MARCHF1: variants seen among roughly 807,000 people sequenced by gnomAD.
MARCHF1 encodes the protein membrane associated ring-CH-type finger 1.
In MARCHF1, 40 loss-of-function variants were observed where a neutral mutation model predicts 54.2. The ratio of observed to expected loss-of-function variants is 0.74; its 90% confidence interval spans 0.57 to 0.96. MARCHF1 has a LOEUF of 0.96. Ranked by LOEUF, MARCHF1 falls within the 40% of genes least tolerant of loss-of-function variation. The pLI is 0.00. For missense variants in MARCHF1, 586 were observed against 656.5 expected (o/e 0.89, Z 1.17); for synonymous variants, 236 against 236.3 (o/e 1.00, Z 0.01).
At chr4:163,841,796 G>A (rs1338939177) in intron 4 of MARCHF1, among the ~76,000 whole-genome samples, 2 of 152,052 alleles carry the variant, frequency 1.3e-5, no homozygotes, top group Non-Finnish European at 2.9e-5. Flanking sequence ...AGTGTGAAAA[G>A]CTATTTCATT....
intron 9 of MARCHF1, among the ~76,000 whole-genome samples, chr4:163,535,753 C>CTTTTTTTTTTTTTTTTTTTTTTTTTTT (rs34118311): frequency 6.9e-6 from 1 of 144,162 alleles, no homozygotes. Context: ...TATAGAAGGG[C>CTTTTTTTTTTTTTTTTTTTTTTTTTTT]TTTTTTTTTT....
At chr4:163,728,228 A>G (rs1745721124) in intron 4 of MARCHF1, among the ~76,000 whole-genome samples, 1 of 151,878 alleles carries the variant, frequency 6.6e-6, no homozygotes. Context: ...TTTTTTTATT[A>G]CTGTCTTGAT....
intron 1 of MARCHF1, among the ~76,000 whole-genome samples, chr4:164,150,628 T>C (rs934869310): frequency 6.6e-6 from 1 of 152,192 alleles, no homozygotes; most frequent in East Asian, 1.9e-4. Flanking sequence ...AGGAATAAAC[T>C]GACCAGGAGT....
intron 3 of MARCHF1, among the ~76,000 whole-genome samples, chr4:163,926,068 A>G (rs1284272753): frequency 7.1e-6 from 1 of 141,794 alleles, no homozygotes; most frequent in Non-Finnish European, 1.5e-5. Context: ...ATGAAGGGAA[A>G]AATCTTAAAT....
At chr4:164,325,333 TTATATATA>T (rs58385154) in intron 1 of MARCHF1, among the ~76,000 whole-genome samples, 2 of 138,466 alleles carry the variant, frequency 1.4e-5, no homozygotes, top group African/African-American at 2.7e-5. Context: ...TAGACAGAAA[TTATATATA>T]TATATATATA....
chr4:164,081,207 CA>C (rs60753810), intron 2 of MARCHF1, among the ~76,000 whole-genome samples: 897 of 18,168 alleles, frequency 0.049, 1 homozygote, highest in Middle Eastern at 0.14. Flanking sequence ...GACGCTGTCT[CA>C]AAAAAAAAAA....
intron 4 of MARCHF1, among the ~76,000 whole-genome samples, chr4:163,746,357 T>C (rs1264474411): frequency 6.6e-6 from 1 of 152,238 alleles, no homozygotes; most frequent in Admixed American, 6.5e-5. Context: ...TTTTTGGCGC[T>C]GAATAATATT....
intron 3 of MARCHF1, among the ~76,000 whole-genome samples, chr4:163,945,089 C>A (rs1274765035): frequency 2.0e-5 from 3 of 152,126 alleles, no homozygotes; most frequent in Non-Finnish European, 4.4e-5. Flanking sequence ...ACATCTCAGG[C>A]ATATGAGATG....
chr4:163,729,902 T>A (rs1745778090), intron 4 of MARCHF1, among the ~76,000 whole-genome samples: 1 of 152,122 alleles, frequency 6.6e-6, no homozygotes, highest in Admixed American at 6.5e-5. Context: ...CAGTTATTAT[T>A]CGCTGTGAGT....
chr4:163,788,283 G>A (rs1747676600), intron 4 of MARCHF1, among the ~76,000 whole-genome samples: 1 of 151,880 alleles, frequency 6.6e-6, no homozygotes, highest in Non-Finnish European at 1.5e-5. Flanking sequence ...GTTTATAGAA[G>A]TTACAAAGAT....
chr4:163,916,406 T>C (rs1241787271), intron 3 of MARCHF1, among the ~76,000 whole-genome samples: 4 of 96,152 alleles, frequency 4.2e-5, no homozygotes, highest in African/African-American at 6.4e-5. Flanking sequence ...CTAAGAATCA[T>C]GGCAGGTCAG....
intron 2 of MARCHF1, among the ~76,000 whole-genome samples, chr4:164,048,996 T>C (rs376894000): frequency 6.6e-6 from 1 of 152,194 alleles, no homozygotes; most frequent in Non-Finnish European, 1.5e-5. Flanking sequence ...TTAACACTGA[T>C]AGATGGCAAG....
chr4:164,126,554 T>C (rs1434884794), intron 1 of MARCHF1, among the ~76,000 whole-genome samples: 1 of 152,120 alleles, frequency 6.6e-6, no homozygotes, highest in African/African-American at 2.4e-5. Context: ...GGCTTTGGAA[T>C]TGGCTAATGG....
chr4:163,761,986 A>C (rs912679594), intron 4 of MARCHF1, among the ~76,000 whole-genome samples: 1 of 152,180 alleles, frequency 6.6e-6, no homozygotes, highest in Non-Finnish European at 1.5e-5. Flanking sequence ...TTTTCAGGCC[A>C]AATAATAATT....
chr4:164,208,400 C>T (rs537739880), intron 1 of MARCHF1, among the ~76,000 whole-genome samples: 1 of 152,168 alleles, frequency 6.6e-6, no homozygotes, highest in African/African-American at 2.4e-5. Context: ...TTATTTAATG[C>T]ACAGCCGTAA....
intron 1 of MARCHF1, among the ~76,000 whole-genome samples, chr4:164,299,803 T>C (rs1009280632): frequency 6.6e-6 from 1 of 152,194 alleles, no homozygotes; most frequent in Non-Finnish European, 1.5e-5. Context: ...GTGGCACTAA[T>C]ATAAAAACAG....
rs141191779 is a variant in MARCHF1, at chr4:163,725,830, G to A, written c.112-24967C>T. Among the ~76,000 whole-genome samples the A allele has an allele frequency of 4.4e-3, 669 of 152,222 alleles. 2 individuals are homozygous for A. Among genetic ancestry groups the A allele is most frequent in the Non-Finnish European group, 5.2e-3 (355 of 68,008 alleles). On this transcript the variant is annotated intron_variant, in intron 4 of 9. Transcript: ENST00000514618. ...CTGAAAGAATTAAATGAGATATTAT[G>A]TAAAAGTTTTTAGCCTAACATACAG...
At chr4:164,194,062 C>T (rs1026512852) in intron 1 of MARCHF1, among the ~76,000 whole-genome samples, 1 of 152,146 alleles carries the variant, frequency 6.6e-6, no homozygotes, top group East Asian at 1.9e-4. Context: ...CCAGAATCAT[C>T]ACCACATAAA....
intron 4 of MARCHF1, among the ~76,000 whole-genome samples, chr4:163,776,568 T>G (rs1202539029): frequency 6.6e-6 from 1 of 152,116 alleles, no homozygotes; most frequent in Non-Finnish European, 1.5e-5. Context: ...GGTAATATAC[T>G]TGGTTGGTCT....
Sources: allele counts gnomAD v4.1 joint callset (sites outside exome capture counted in the v4.1 genomes callset), GRCh38; gene constraint gnomAD v4.1.1; transcripts MANE v1.5; gene names NCBI Gene and HGNC (gene_info 2026-07-23, HGNC 2026-07-21).